Variants in MEF2C observed in about 807,000 individuals in gnomAD.
MEF2C encodes myocyte-specific enhancer factor 2C.
MEF2C carries 6 observed loss-of-function variants against 50.5 expected under a neutral mutation model. The ratio of observed to expected loss-of-function variants is 0.12; its 90% CI spans 0.07 to 0.23. The LOEUF is 0.23. Among genes scored for constraint, MEF2C ranks in the 10% least tolerant of loss-of-function variants. MEF2C has a pLI of 1.00. For missense variants in MEF2C, 276 were observed against 605.0 expected (o/e 0.46, Z 5.70); for synonymous variants, 183 against 228.0 (o/e 0.80, Z 1.78).
At chr5:88,742,796 T>G (rs552759264) in intron 6 of MEF2C, 1 of 985,350 alleles carries the variant, frequency 1.0e-6, no homozygotes, top group South Asian at 4.7e-5. Flanking sequence ...GGTTTATCTA[T>G]AATTTGCTTG....
At chr5:88,747,816 T>G (rs1219475812) in intron 6 of MEF2C, among the ~76,000 whole-genome samples, 1 of 152,196 alleles carries the variant, frequency 6.6e-6, no homozygotes, top group East Asian at 1.9e-4. Context: ...TCACCATTCT[T>G]TCTAATCATA....
chr5:88,747,982 G>A (rs895326036), intron 6 of MEF2C: 7 of 897,496 alleles, frequency 7.8e-6, no homozygotes, highest in African/African-American at 7.2e-5. Flanking sequence ...AATTTGGCTC[G>A]ACCTAATTTT....
At chr5:88,851,378 A>T (rs1821296664) in intron 1 of MEF2C, among the ~76,000 whole-genome samples, 1 of 152,204 alleles carries the variant, frequency 6.6e-6, no homozygotes, top group African/African-American at 2.4e-5. Flanking sequence ...AAAGTTATAT[A>T]CAAATCTTCA....
rs796052727 is a variant in MEF2C at position 88,728,564 on chromosome 5, G to C, written c.1029C>G (p.His343Gln). ...GTTGCCAGCCAGTTACTGAACCAAG[G>C]TGAAGAGCGCTGGCGGTGTTAAACC... ...LSGFNTASAL[H>Q]LGSVTGWQQQ... Residue 343 changes from histidine to glutamine, a missense_variant, in exon 10 of 11, where the codon CAC becomes CAG. His to Gln is a conservative substitution (Grantham distance 24, BLOSUM62 0). Transcript: ENST00000504921. 4 of 1,536,460 alleles carry C rather than the reference G, an allele frequency of 2.6e-6. No homozygotes were observed. The highest frequency in any genetic ancestry group is 3.5e-6 in the Non-Finnish European group (4 of 1,138,186).
At position 88,761,385 on chromosome 5, in the gene MEF2C, G is replaced by A. The variant is rs1777775925; in HGVS notation, c.259-57C>T. The A allele has an allele frequency of 1.1e-5, 17 of 1,556,010 alleles. No individual in the cohort carries two copies. The Admixed American group carries it at 3.0e-4, about 27-fold the overall frequency. ...AGACAAAGGCTGTAAGAGACATTCA[G>A]GGGCATTAAAGAAGTTCAAGCTGTC... On this transcript the variant is annotated intron_variant, in intron 3 of 10. Coordinates refer to ENST00000504921, the MANE Select transcript of MEF2C (RefSeq NM_002397.5).
chr5:88,835,911 A>C (rs1160668970), intron 1 of MEF2C, among the ~76,000 whole-genome samples: 2 of 152,108 alleles, frequency 1.3e-5, no homozygotes, highest in Non-Finnish European at 2.9e-5. Flanking sequence ...GTGAAACAGA[A>C]ATGCCTAATG....
chr5:88,873,966 TTAA>T (rs1477709892), intron 1 of MEF2C, among the ~76,000 whole-genome samples: 1 of 151,940 alleles, frequency 6.6e-6, no homozygotes. Flanking sequence ...TTTAAAGATA[TTAA>T]TGTTAACTGT....
intron 2 of MEF2C, among the ~76,000 whole-genome samples, chr5:88,815,465 CAA>C (rs1804880047): frequency 6.6e-6 from 1 of 151,994 alleles, no homozygotes; most frequent in Non-Finnish European, 1.5e-5. Context: ...TAAACTGTTC[CAA>C]TTTAAAATTA....
intron 1 of MEF2C, among the ~76,000 whole-genome samples, chr5:88,881,995 A>T (rs1445628075): frequency 2.0e-5 from 3 of 152,202 alleles, no homozygotes; most frequent in Admixed American, 2.0e-4. Context: ...AAATGTGACA[A>T]AAAAAGGCTC....
At chr5:88,770,633 A>C (rs1781979683) in intron 3 of MEF2C, among the ~76,000 whole-genome samples, 2 of 152,012 alleles carry the variant, frequency 1.3e-5, no homozygotes, top group South Asian at 4.2e-4. Flanking sequence ...AAATGTCACA[A>C]TGTACTTGTT....
At chr5:88,807,575 G>A (rs1229890941) in intron 2 of MEF2C, among the ~76,000 whole-genome samples, 1 of 152,130 alleles carries the variant, frequency 6.6e-6, no homozygotes, top group Non-Finnish European at 1.5e-5. Flanking sequence ...TTTCACATTT[G>A]TAAAACAGAG....
chr5:88,820,650 T>TAGA (rs1486014945), intron 2 of MEF2C, among the ~76,000 whole-genome samples: 71 of 152,150 alleles, frequency 4.7e-4, no homozygotes, highest in Middle Eastern at 3.4e-3. Flanking sequence ...AGTGAGCCAT[T>TAGA]GCATGAGGTT....
intron 3 of MEF2C, chr5:88,769,987 C>T: frequency 1.0e-6 from 1 of 985,282 alleles, no homozygotes. Flanking sequence ...AAAAGAAAGG[C>T]TGGAATGCAA....
intron 6 of MEF2C, among the ~76,000 whole-genome samples, chr5:88,745,525 T>C (rs756809364): frequency 1.7e-3 from 264 of 152,350 alleles, no homozygotes; most frequent in Non-Finnish European, 3.2e-3. Context: ...GAGCACACAC[T>C]GAGGCCGGGT....
At chr5:88,848,226 C>T (rs1456585092) in intron 1 of MEF2C, among the ~76,000 whole-genome samples, 1 of 152,142 alleles carries the variant, frequency 6.6e-6, no homozygotes, top group African/African-American at 2.4e-5. Flanking sequence ...AGAGAATCTG[C>T]TGGATTTAAA....
rs1173659431 is a variant in MEF2C, at chr5:88,795,665, T to C, written c.258+8933A>G. Among the ~76,000 whole-genome samples the C allele has an allele frequency of 2.6e-5, 4 of 152,188 alleles. No homozygotes were observed. The East Asian group carries it at 7.7e-4, about 29-fold the overall frequency. ...CTTGCCTGATTGCCCTGGCCAGAAC[T>C]TCCAATACTATGTTGAATAGGAGTG... is the stretch of plus-strand genomic sequence containing the variant. On this transcript the variant is annotated intron_variant, in intron 3 of 10. Transcript: ENST00000504921.
At position 88,779,601 on chromosome 5, in the gene MEF2C, TTGTG is replaced by T. The variant is rs58856249; in HGVS notation, c.259-18277_259-18274del. On this transcript the variant is annotated intron_variant, in intron 3 of 10. Transcript: ENST00000504921. ...TGAATATATGTAGGTTTGTGTAGGT[TTGTG>T]TGTGTGTGTGTGTGTGTGTGTGTAC... Among the ~76,000 whole-genome samples, 94 of 148,108 alleles carry T rather than the reference TTGTG, an allele frequency of 6.3e-4. 1 individual carries two copies. In the Middle Eastern group the frequency reaches 0.011, roughly 17 times the overall value.
At chr5:88,732,063 A>C (rs1253403734) in intron 6 of MEF2C, among the ~76,000 whole-genome samples, 162 bp from the exon 7 acceptor site, 1 of 152,204 alleles carries the variant, frequency 6.6e-6, no homozygotes, top group Non-Finnish European at 1.5e-5. Context: ...TAACCCAATT[A>C]AGTATTCAAT....
At chr5:88,799,577 A>C (rs912936427) in intron 3 of MEF2C, among the ~76,000 whole-genome samples, 2 of 152,238 alleles carry the variant, frequency 1.3e-5, no homozygotes, top group African/African-American at 4.8e-5. Flanking sequence ...TCACTAAACT[A>C]TGTAAGAGCA....
Sources: gnomAD v4.1 joint callset for allele counts (sites outside exome capture counted in the v4.1 genomes callset) on GRCh38, gnomAD v4.1.1 for gene constraint, MANE v1.5 for transcripts, NCBI Gene and HGNC (gene_info 2026-07-23, HGNC 2026-07-21) for gene names.